TANGO2: variants seen among roughly 807,000 people sequenced by gnomAD.
TANGO2 encodes the protein transport and golgi organization 2 homolog, also known as transport and Golgi organization protein 2 homolog.
Under a neutral mutation model 39.1 loss-of-function variants are expected in TANGO2, and 26 were observed. The ratio of observed to expected loss-of-function variants is 0.67; its 90% CI spans 0.49 to 0.92. The LOEUF is 0.92. Among genes scored for constraint, TANGO2 ranks in the 40% least tolerant of loss-of-function variants. TANGO2 has a pLI of 0.00. For missense variants in TANGO2, 326 were observed against 360.1 expected (o/e 0.91, Z 0.77); for synonymous variants, 131 against 144.5 (o/e 0.91, Z 0.67).
intron 6 of TANGO2, among the ~76,000 whole-genome samples, chr22:20,059,829 C>T (rs1158673028): frequency 6.6e-6 from 1 of 151,972 alleles, no homozygotes; most frequent in Non-Finnish European, 1.5e-5. Context: ...TTTTGTTGCT[C>T]ATGCTTTTGG....
chr22:20,018,138 G>A (rs1300978230), upstream of TANGO2, among the ~76,000 whole-genome samples: 2 of 152,224 alleles, frequency 1.3e-5, no homozygotes, highest in African/African-American at 2.4e-5. Flanking sequence ...TGGGACCACC[G>A]CTGGGTCCAT....
intron 1 of TANGO2, among the ~76,000 whole-genome samples, chr22:20,031,137 G>A (rs2041771421): frequency 6.6e-6 from 1 of 152,060 alleles, no homozygotes; most frequent in Non-Finnish European, 1.5e-5. Context: ...GGAGGAGGCT[G>A]CAGTGAGCTG....
At chr22:20,051,719 G>C (rs754042760) in intron 3 of TANGO2, among the ~76,000 whole-genome samples, 7 of 151,776 alleles carry the variant, frequency 4.6e-5, no homozygotes, top group Non-Finnish European at 8.8e-5. Flanking sequence ...CGAGTGTGAT[G>C]GTACCTGCCT....
intron 1 of TANGO2, among the ~76,000 whole-genome samples, chr22:20,025,699 A>G (rs2531719): frequency 0.68 from 103,378 of 152,142 alleles, 36,296 homozygotes; most frequent in African/African-American, 0.86. Flanking sequence ...CCTCATCACC[A>G]TGGAAAGGCA....
intron 3 of TANGO2, among the ~76,000 whole-genome samples, chr22:20,046,623 C>G (rs1264097333): frequency 6.6e-6 from 1 of 152,032 alleles, no homozygotes; most frequent in Admixed American, 6.6e-5. Flanking sequence ...TGCCACCACA[C>G]CCTGCTAATT....
chr22:20,061,664 G>C lies in TANGO2; in HGVS notation c.586G>C (p.Val196Leu). 6.4e-7 allele frequency: 1 copy of C among 1,554,404 alleles called. No individual in the cohort carries two copies. Among genetic ancestry groups the C allele is most frequent in the South Asian group, 1.2e-5 (1 of 84,182 alleles). Residue 196 changes from valine to leucine, a missense_variant, in exon 7 of 9, where the codon GTG (valine) becomes CTG (leucine). By Grantham distance (32) the Val-to-Leu change is conservative. Coordinates refer to ENST00000327374, the MANE Select transcript of TANGO2 (RefSeq NM_152906.7). ...TGTGCTCATCGCCAGCCTCCTGGAT[G>C]TGCTCAACAATGAAGAGGCGTGAGT... ...KDVLIASLLD[V>L]LNNEEAQLPD...
rs2048974858 is a variant in TANGO2 at position 20,064,588 on chromosome 22, A to G, written c.757A>G (p.Thr253Ala). The G allele has an allele frequency of 1.9e-6, 3 of 1,614,042 alleles. No individual in the cohort carries two copies. The highest frequency in any genetic ancestry group is 2.7e-5 in the African/African-American group (2 of 74,932). Residue 253 changes from threonine (T) to alanine (A), a missense_variant, in exon 9 of 9, where the codon ACT becomes GCT. Coordinates refer to ENST00000327374, the MANE Select transcript of TANGO2 (RefSeq NM_152906.7). Reference protein sequence around the residue: ...LVDADGHVTFTERSMMDKDLS... With the variant: ...LVDADGHVTFAERSMMDKDLS... ...AGATGCGGACGGCCACGTGACCTTC[A>G]CTGAGCGTAGCATGATGGACAAGGA...
intron 7 of TANGO2, chr22:20,062,983 G>C (rs1016983675): frequency 9.4e-5 from 21 of 222,918 alleles, no homozygotes; most frequent in Non-Finnish European, 1.8e-4. Context: ...AGATGGCTGG[G>C]TGGTGCACGC....
intron 4 of TANGO2, 183 bp from the exon 5 acceptor site, chr22:20,053,254 G>T: frequency 1.8e-6 from 1 of 569,816 alleles, no homozygotes. Flanking sequence ...AGTTTTCAGT[G>T]CCGACCTGAG....
At position 20,050,774 on chromosome 22, in the gene TANGO2, C is replaced by A. The variant is rs114758499; in HGVS notation, c.146-1691C>A. Among the ~76,000 whole-genome samples, 1,485 of 149,952 alleles carry A rather than the reference C, an allele frequency of 9.9e-3. 28 individuals are homozygous for A. The highest frequency in any genetic ancestry group is 0.035 in the African/African-American group (1,404 of 40,672). On this transcript the variant is annotated intron_variant, in intron 3 of 8. Transcript: ENST00000327374. The stretch of plus-strand genomic sequence containing the variant: ...CATTTACTTATTAGTTCTAATACAT[C>A]GGTTTTGGTATTCCTTTTGGGTTTT...
chr22:20,061,906 C>CCCAGG, intron 7 of TANGO2: 1 of 578,120 alleles, frequency 1.7e-6, no homozygotes, highest in Non-Finnish European at 2.9e-6. Flanking sequence ...CAGGCCCAGG[C>CCCAGG]CCAGGCCCAG....
intron 2 of TANGO2, 66 bp from the exon 3 acceptor site, chr22:20,043,288 GA>G: frequency 8.0e-7 from 1 of 1,252,818 alleles, no homozygotes; most frequent in Non-Finnish European, 1.2e-6. Flanking sequence ...TTTTGTGTGT[GA>G]AAAGAGAAAA....
rs1022406356 is a variant in TANGO2, at chr22:20,053,836, G to A, written c.380+285G>A. ...TCACATAGAGTGGCTCTGGCCGGGT[G>A]TCCTCCCTCCCACGGGCAGGCTGTG... On this transcript the variant is annotated intron_variant, in intron 5 of 8. Coordinates refer to ENST00000327374, the MANE Select transcript of TANGO2 (RefSeq NM_152906.7). 6.4e-5 allele frequency: 30 copies of A among 470,898 alleles called. 1 individual carries two copies. Among genetic ancestry groups the A allele is most frequent in the South Asian group, 4.9e-4 (30 of 61,060 alleles). 29.2% of individuals were successfully genotyped at this position (470,898 alleles called of 1,614,324 possible). A position where few individuals can be genotyped will look rare whatever the true frequency, so the allele number is the denominator to read the frequency against.
chr22:20,049,309 A>G (rs771748069), intron 3 of TANGO2, among the ~76,000 whole-genome samples: 9 of 152,154 alleles, frequency 5.9e-5, no homozygotes, highest in Non-Finnish European at 1.2e-4. Context: ...CCATTGATCT[A>G]TGTATCTGTC....
intron 2 of TANGO2, 59 bp downstream of exon 2, chr22:20,036,913 C>T (rs1357636902): frequency 5.0e-6 from 8 of 1,614,172 alleles, no homozygotes; most frequent in Non-Finnish European, 6.8e-6. Context: ...CCAGCCAGTT[C>T]TCATGCCACC....
chr22:20,040,554 A>G (rs777629074), intron 2 of TANGO2, among the ~76,000 whole-genome samples: 17 of 152,202 alleles, frequency 1.1e-4, no homozygotes, highest in Non-Finnish European at 1.5e-4. Context: ...GACCCCACCC[A>G]TAGGGTGGAG....
intron 6 of TANGO2, chr22:20,061,229 C>T: frequency 3.8e-6 from 1 of 261,022 alleles, no homozygotes; most frequent in Non-Finnish European, 7.3e-6. Flanking sequence ...GTCCCCTTTG[C>T]CTGTGAGATC....
intron 6 of TANGO2, 130 bp from the exon 7 acceptor site, chr22:20,061,400 C>T (rs185990628): frequency 6.1e-5 from 62 of 1,019,666 alleles, no homozygotes; most frequent in Non-Finnish European, 7.7e-5. Context: ...GAGCATGGAG[C>T]GGCTTGGCCT....
At chr22:20,061,777 G>A in intron 7 of TANGO2, 94 bp downstream of exon 7, 1 of 1,432,284 alleles carries the variant, frequency 7.0e-7, no homozygotes, top group Non-Finnish European at 9.3e-7. Flanking sequence ...GCCCATGGAA[G>A]TGGCCAGGCT....
Sources: allele counts gnomAD v4.1 joint callset (sites outside exome capture counted in the v4.1 genomes callset), GRCh38; gene constraint gnomAD v4.1.1; transcripts MANE v1.5; gene names NCBI Gene and HGNC (gene_info 2026-07-23, HGNC 2026-07-21).